Variants in BASP1 observed in about 807,000 individuals in gnomAD.
BASP1 encodes the protein brain acid soluble protein 1.
In BASP1, 1 loss-of-function variant was observed where a neutral mutation model predicts 2.2. That is an observed-to-expected ratio of 0.46 (90% CI 0.16 to 2.17). BASP1 has a LOEUF of 2.17. Ranked by LOEUF, BASP1 falls within the 30% of genes most tolerant of loss-of-function variation. The pLI, the probability that BASP1 is intolerant of heterozygous loss-of-function variation, is 0.27. For synonymous variants in BASP1, 187 were observed against 154.2 expected (o/e 1.21, Z -1.58); for missense variants, 352 against 327.2 (o/e 1.08, Z -0.58).
intron 1 of BASP1, among the ~76,000 whole-genome samples, chr5:17,273,852 C>T (rs527404835): frequency 1.1e-3 from 166 of 152,038 alleles, no homozygotes; most frequent in African/African-American, 2.8e-3. Context: ...ATGGGACTAA[C>T]GAGGATAGTA....
intron 1 of BASP1, among the ~76,000 whole-genome samples, chr5:17,240,130 AAAGAT>A (rs1261746791): frequency 8.3e-6 from 1 of 121,018 alleles, no homozygotes; most frequent in African/African-American, 2.8e-5. Flanking sequence ...AAATAAAAAT[AAAGAT>A]AAATAAATAA....
intron 1 of BASP1, among the ~76,000 whole-genome samples, chr5:17,256,082 A>G (rs1357778588): frequency 6.6e-6 from 1 of 152,142 alleles, no homozygotes. Flanking sequence ...TTTGTCTGGT[A>G]TCTGCATGAC....
chr5:17,258,724 G>C (rs562437524), intron 1 of BASP1, among the ~76,000 whole-genome samples: 1 of 152,250 alleles, frequency 6.6e-6, no homozygotes, highest in African/African-American at 2.4e-5. Flanking sequence ...TCCATGGCTG[G>C]GGACAAATAC....
At chr5:17,244,111 T>G (rs1739929200) in intron 1 of BASP1, among the ~76,000 whole-genome samples, 2 of 152,256 alleles carry the variant, frequency 1.3e-5, no homozygotes, top group South Asian at 4.1e-4. Context: ...ATTTCCAATG[T>G]ATACCTTCTT....
intron 1 of BASP1, among the ~76,000 whole-genome samples, chr5:17,234,571 C>T (rs181079828): frequency 3.3e-5 from 5 of 152,250 alleles, no homozygotes; most frequent in Admixed American, 6.5e-5. Flanking sequence ...GAACAGCTGA[C>T]ATGAGGTTTT....
At chr5:17,271,063 C>T (rs529952161) in intron 1 of BASP1, among the ~76,000 whole-genome samples, 3 of 152,304 alleles carry the variant, frequency 2.0e-5, no homozygotes, top group East Asian at 1.9e-4. Context: ...CAATATTAAT[C>T]GGTAAGCCTG....
intron 1 of BASP1, among the ~76,000 whole-genome samples, chr5:17,273,197 A>G (rs181234935): frequency 6.6e-6 from 1 of 152,328 alleles, no homozygotes; most frequent in Admixed American, 6.5e-5. Flanking sequence ...GAAGAGTTAT[A>G]AACTATAATT....
chr5:17,229,144 C>T (rs781435586), intron 1 of BASP1, among the ~76,000 whole-genome samples: 3 of 152,170 alleles, frequency 2.0e-5, no homozygotes, highest in Non-Finnish European at 4.4e-5. Context: ...TGTTTGAGGA[C>T]ACTAACGTGC....
chr5:17,217,613 AGCGGCG>A (rs968902217), upstream of BASP1: 6 of 155,930 alleles, frequency 3.8e-5, no homozygotes, highest in South Asian at 8.5e-4. Flanking sequence ...CAGAGGCTGC[AGCGGCG>A]GCGGCGGCGG....
At position 17,234,086 on chromosome 5, in the gene BASP1, G is replaced by A. The variant is rs563540761; in HGVS notation, c.-10+16276G>A. ...GTGGAGGTTGTAGTGAGTTGAGATC[G>A]CGCCACTGCACTCCAGCCTGCACGA... On this transcript the variant is annotated intron_variant, in intron 1 of 1. Coordinates refer to ENST00000322611, the MANE Select transcript of BASP1 (RefSeq NM_006317.5). Among the ~76,000 whole-genome samples, 6 of 149,458 alleles carry A rather than the reference G, an allele frequency of 4.0e-5. No homozygotes were observed. In the South Asian group the frequency reaches 6.4e-4, roughly 16 times the overall value.
At chr5:17,250,183 G>A (rs1418058701) in intron 1 of BASP1, among the ~76,000 whole-genome samples, 1 of 152,160 alleles carries the variant, frequency 6.6e-6, no homozygotes, top group Admixed American at 6.6e-5. Context: ...CTGACCTCAA[G>A]TGATCCACCT....
At chr5:17,262,886 G>A (rs1165107802) in intron 1 of BASP1, among the ~76,000 whole-genome samples, 3 of 149,602 alleles carry the variant, frequency 2.0e-5, no homozygotes, top group East Asian at 2.0e-4. Context: ...TTGCTCTGGC[G>A]CCCAGGCTGG....
At chr5:17,238,010 A>G (rs1332317592) in intron 1 of BASP1, among the ~76,000 whole-genome samples, 1 of 152,036 alleles carries the variant, frequency 6.6e-6, no homozygotes, top group Non-Finnish European at 1.5e-5. Context: ...TAATTACATA[A>G]ATGCTTATTT....
intron 1 of BASP1, among the ~76,000 whole-genome samples, chr5:17,226,424 A>G (rs1320887619): frequency 6.6e-6 from 1 of 152,232 alleles, no homozygotes; most frequent in Non-Finnish European, 1.5e-5. Flanking sequence ...TCAAAACACC[A>G]TTACCACGTA....
chr5:17,265,007 T>C (rs1740389570), intron 1 of BASP1, among the ~76,000 whole-genome samples: 1 of 152,210 alleles, frequency 6.6e-6, no homozygotes, highest in Non-Finnish European at 1.5e-5. Context: ...ATGGAGAAAT[T>C]TGATATCATT....
At chr5:17,268,535 T>G (rs1430340174) in intron 1 of BASP1, among the ~76,000 whole-genome samples, 2 of 152,160 alleles carry the variant, frequency 1.3e-5, no homozygotes, top group Non-Finnish European at 2.9e-5. Flanking sequence ...AGAATTGTGG[T>G]TTTTTAGTGA....
At chr5:17,233,467 A>G (rs1194117032) in intron 1 of BASP1, among the ~76,000 whole-genome samples, 1 of 152,210 alleles carries the variant, frequency 6.6e-6, no homozygotes, top group Admixed American at 6.5e-5. Context: ...GCTGTGGGTC[A>G]TCTAGTCCAG....
At chr5:17,237,146 C>T (rs1039025326) in intron 1 of BASP1, among the ~76,000 whole-genome samples, 1 of 152,060 alleles carries the variant, frequency 6.6e-6, no homozygotes, top group Non-Finnish European at 1.5e-5. Context: ...GAGATCCAGA[C>T]CATCCTGGCT....
intron 1 of BASP1, among the ~76,000 whole-genome samples, chr5:17,269,790 C>T (rs1740493667): frequency 6.6e-6 from 1 of 152,228 alleles, no homozygotes; most frequent in Non-Finnish European, 1.5e-5. Flanking sequence ...GTTAGCTTCT[C>T]TCATTAACAT....
Sources: gnomAD v4.1 joint callset for allele counts (sites outside exome capture counted in the v4.1 genomes callset) on GRCh38, gnomAD v4.1.1 for gene constraint, MANE v1.5 for transcripts, NCBI Gene and HGNC (gene_info 2026-07-23, HGNC 2026-07-21) for gene names.